Variants in FAM120B observed in about 807,000 individuals in gnomAD.
The protein encoded by FAM120B is family with sequence similarity 120 member B.
A neutral mutation model predicts 96.3 loss-of-function variants in FAM120B; 83 were observed. That is an observed-to-expected ratio of 0.86 (90% CI 0.72 to 1.03). FAM120B has a LOEUF of 1.03. FAM120B is among the 50% of genes least tolerant of loss of function. The pLI is 0.00. For missense variants in FAM120B, 1,027 were observed against 1,121.2 expected (o/e 0.92, Z 1.20); for synonymous variants, 407 against 402.7 (o/e 1.01, Z -0.13).
intron 9 of FAM120B, among the ~76,000 whole-genome samples, chr6:170,403,326 GCAGCACATTT>G (rs1234394622): frequency 2.6e-5 from 4 of 152,132 alleles, no homozygotes; most frequent in Non-Finnish European, 5.9e-5. Context: ...GGAGTTTGGG[GCAGCACATTT>G]CTCCTGGGTT....
rs567790771 is a variant in FAM120B, at chr6:170,295,922, G to A, written c.48+469G>A. 6.6e-6 allele frequency among the ~76,000 whole-genome samples: 1 copy of A among 152,140 alleles called. No individual in the cohort carries two copies. The highest frequency in any genetic ancestry group is 2.4e-5 in the African/African-American group (1 of 41,544). ...TGCTGATTTGCATGAGAACGGGCGG[G>A]TCGCGTGGCTCAGCTGGCGGCCCCG... On this transcript the variant is annotated intron_variant, in intron 1 of 10. Coordinates refer to the FAM120B transcript ENST00000537664. The surrounding 1 kb of genome is among the most constrained non-coding windows in gnomAD (Gnocchi z 7.8).
chr6:170,356,573 C>T (rs985060505), intron 5 of FAM120B, among the ~76,000 whole-genome samples: 1 of 152,174 alleles, frequency 6.6e-6, no homozygotes. Flanking sequence ...CCCAGGACCC[C>T]CAAGGATGCC....
At chr6:170,359,443 ACT>A (rs1788196762) in intron 6 of FAM120B, among the ~76,000 whole-genome samples, 2 of 150,758 alleles carry the variant, frequency 1.3e-5, no homozygotes, top group South Asian at 4.2e-4. Flanking sequence ...TGGTGTTAAG[ACT>A]CACTCTGTTG....
At chr6:170,404,341 C>G (rs1035440549) in intron 9 of FAM120B, 1 of 515,524 alleles carries the variant, frequency 1.9e-6, no homozygotes, top group Non-Finnish European at 3.4e-6. Flanking sequence ...TTTCCTTCCA[C>G]GAACCTCTTA....
At chr6:170,300,496 A>C (rs1375348543) in intron 1 of FAM120B, among the ~76,000 whole-genome samples, 1 of 152,190 alleles carries the variant, frequency 6.6e-6, no homozygotes, top group African/African-American at 2.4e-5. Context: ...CCCAAATCTC[A>C]TGTCCTCACA....
chr6:170,302,698 C>A (rs559212640), upstream of FAM120B, among the ~76,000 whole-genome samples: 1 of 152,266 alleles, frequency 6.6e-6, no homozygotes, highest in South Asian at 2.1e-4. Context: ...ATTCCCCTTT[C>A]TTTTCCTATG....
intron 1 of FAM120B, among the ~76,000 whole-genome samples, chr6:170,308,560 C>G (rs2114992966): frequency 6.6e-6 from 1 of 152,296 alleles, no homozygotes; most frequent in Admixed American, 6.5e-5. Flanking sequence ...TACTGTAAAG[C>G]TAATGAAGTT....
At position 170,317,884 on chromosome 6, in the gene FAM120B, C is replaced by G; in HGVS notation, c.494C>G (p.Ser165Cys). The change falls in exon 2 of 11, where the codon TCC becomes TGC. Residue 165 changes from serine to cysteine, a missense_variant. By Grantham distance (112) the Ser-to-Cys change is moderately radical. Coordinates refer to ENST00000476287, the MANE Select transcript of FAM120B (RefSeq NM_032448.3). The part of the protein sequence containing the change: ...SLQEADYEVA[S>C]YGLQHNCLGI... ...CAGGAAGCAGATTATGAGGTAGCTTCCTATGGCCTCCAGCATAACTGTCTT... is the reference window on the plus strand; with the variant it reads ...CAGGAAGCAGATTATGAGGTAGCTTGCTATGGCCTCCAGCATAACTGTCTT... 1 of 1,614,202 alleles carries G rather than the reference C, an allele frequency of 6.2e-7. No individual in the cohort carries two copies.
rs189654790 is a variant in FAM120B, at chr6:170,374,742, G to A, written c.2284-13545G>A. Among the ~76,000 whole-genome samples, 5 of 152,322 alleles carry A rather than the reference G, an allele frequency of 3.3e-5. No homozygotes were observed. In the East Asian group the frequency reaches 9.6e-4, roughly 29 times the overall value. On this transcript the variant is annotated intron_variant, in intron 6 of 10. Coordinates refer to ENST00000476287, the MANE Select transcript of FAM120B (RefSeq NM_032448.3). ...ATGAATAGGGCATTGTTGGTCGGGT[G>A]TCTGACCCAGGATGGCATCTGTTAG...
chr6:170,339,766 G>A (rs1406220198), intron 4 of FAM120B, among the ~76,000 whole-genome samples: 2 of 143,250 alleles, frequency 1.4e-5, no homozygotes, highest in Non-Finnish European at 3.0e-5. Context: ...ATGACAGAGC[G>A]AGACTCCATC....
intron 4 of FAM120B, among the ~76,000 whole-genome samples, chr6:170,342,321 C>G (rs1329568190): frequency 6.6e-6 from 1 of 152,182 alleles, no homozygotes; most frequent in South Asian, 2.1e-4. Flanking sequence ...CTAGGAGTTT[C>G]ACTTCTTACA....
In FAM120B at chr6:170,318,595, C is replaced by T. The variant is rs761131328; in HGVS notation, c.1205C>T (p.Pro402Leu). 5.7e-6 allele frequency: 9 copies of T among 1,573,264 alleles called. No homozygotes were observed. The highest frequency in any genetic ancestry group is 7.8e-6 in the Non-Finnish European group (9 of 1,157,056). The change falls in exon 2 of 11, where the codon CCC becomes CTC. Residue 402 changes from proline (P) to leucine (L), a missense_variant. Physicochemically the swap from Pro to Leu is moderately conservative, Grantham distance 98. This residue lies in a region of FAM120B where 880 missense variants were observed against 980.9 expected (regional missense o/e 0.90). Coordinates refer to ENST00000476287, the MANE Select transcript of FAM120B (RefSeq NM_032448.3). ...CTGPESRREVPMCSDPEPRQE... is the reference protein window; with the variant it reads ...CTGPESRREVLMCSDPEPRQE... Reference sequence around the variant, plus strand: ...GGCCCTGAATCCAGGCGAGAAGTTCCCATGTGTTCAGACCCTGAACCCAGG... The same window carrying T: ...GGCCCTGAATCCAGGCGAGAAGTTCTCATGTGTTCAGACCCTGAACCCAGG...
intron 6 of FAM120B, among the ~76,000 whole-genome samples, chr6:170,377,350 G>A (rs567716153): frequency 1.5e-5 from 2 of 132,836 alleles, no homozygotes; most frequent in African/African-American, 2.9e-5. Context: ...GTGCACACGC[G>A]TCCCTAAACC....
intron 4 of FAM120B, among the ~76,000 whole-genome samples, chr6:170,333,247 AGGTGATTAGATG>A (rs1289147184): frequency 6.8e-6 from 1 of 147,218 alleles, no homozygotes; most frequent in Non-Finnish European, 1.5e-5. Context: ...GGAGGGAAAG[AGGTGATTAGATG>A]GGATTCCTGC....
In FAM120B at chr6:170,317,604, C is replaced by T. The variant is rs771547946; in HGVS notation, c.214C>T (p.Arg72Ter). The T allele has an allele frequency of 2.5e-6, 4 of 1,614,018 alleles. No individual in the cohort carries two copies. Among genetic ancestry groups the T allele is most frequent in the South Asian group, 1.1e-5 (1 of 91,080 alleles). Reference protein sequence around the residue: ...GQWREYFSALRDFVKTFTAAG... With the variant: ...GQWREYFSAL ...GTGGCGAGAATACTTTTCTGCTTTG[C>T]GAGATTTTGTTAAAACTTTTACGGC... Residue 72 changes from arginine to a stop codon, truncating the protein, a stop_gained, in exon 2 of 11, where the codon CGA becomes TGA. Coordinates refer to ENST00000476287, the MANE Select transcript of FAM120B (RefSeq NM_032448.3). LOFTEE classifies it high-confidence loss of function.
At chr6:170,366,114 T>C (rs1344190474) in intron 6 of FAM120B, among the ~76,000 whole-genome samples, 1 of 152,202 alleles carries the variant, frequency 6.6e-6, no homozygotes, top group East Asian at 1.9e-4. Context: ...TTCAGTGGCA[T>C]GTTGCACATC....
intron 3 of FAM120B, among the ~76,000 whole-genome samples, chr6:170,327,531 A>G (rs1247949369): frequency 6.6e-6 from 1 of 152,214 alleles, no homozygotes; most frequent in African/African-American, 2.4e-5. Context: ...TACACACTGC[A>G]CACGGAGGCT....
intron 9 of FAM120B, among the ~76,000 whole-genome samples, chr6:170,398,004 C>A (rs1367640613): frequency 6.6e-6 from 1 of 152,236 alleles, no homozygotes; most frequent in Non-Finnish European, 1.5e-5. Flanking sequence ...CCCCTTTCTT[C>A]CCCCTGGGCC....
Position 170,319,101 on chromosome 6 carries a change from G to C in FAM120B, c.1711G>C (p.Val571Leu), listed in dbSNP as rs1785128343. The C allele has an allele frequency of 2.5e-6, 4 of 1,569,448 alleles. 1 individual carries two copies. The South Asian group carries it at 4.7e-5, about 18-fold the overall frequency. The change falls in exon 2 of 11, where the codon GTT becomes CTT. Residue 571 changes from valine (V) to leucine (L), a missense_variant. This residue lies in a region of FAM120B where 880 missense variants were observed against 980.9 expected (regional missense o/e 0.90). Transcript: ENST00000476287. ...GPEVKQQVTM[V>L]SDTEILKVAR... ...TGAAGTAAAGCAACAAGTAACCATG[G>C]TTTCAGACACTGAAATCTTAAAGGT...
Sources: allele counts gnomAD v4.1 joint callset (sites outside exome capture counted in the v4.1 genomes callset), GRCh38; gene constraint gnomAD v4.1.1; regional missense constraint gnomAD v4.1.1; non-coding constraint Gnocchi (gnomAD v3.1); transcripts MANE v1.5; gene names NCBI Gene and HGNC (gene_info 2026-07-23, HGNC 2026-07-21).